The following EPHA3 variants were observed in gnomAD, a reference collection of about 807,000 sequenced individuals.
The protein encoded by EPHA3 is EPH receptor A3, also known as ephrin type-A receptor 3.
In EPHA3, 42 loss-of-function variants were observed where a neutral mutation model predicts 107.1. The ratio of observed to expected loss-of-function variants is 0.39; its 90% CI spans 0.31 to 0.51. The LOEUF (loss-of-function observed/expected upper bound fraction) is 0.51, where lower values mean the gene tolerates loss of function less well. EPHA3 is among the 20% of genes least tolerant of loss of function. EPHA3 has a pLI of 0.78. For synonymous variants in EPHA3, 461 were observed against 424.8 expected, an observed-to-expected ratio of 1.09 and a Z score of -1.05; for missense variants, 1,183 against 1,211.2, an observed-to-expected ratio of 0.98 and a Z score of 0.35.
chr3:89,218,699 AC>A (rs1704277606), intron 3 of EPHA3, among the ~76,000 whole-genome samples: 1 of 152,106 alleles, frequency 6.6e-6, no homozygotes, highest in African/African-American at 2.4e-5. Context: ...CTAGAAGAAG[AC>A]ATTTATGCAG....
intron 1 of EPHA3, among the ~76,000 whole-genome samples, chr3:89,121,496 C>T (rs1707383879): frequency 6.6e-6 from 1 of 151,968 alleles, no homozygotes. Context: ...CGGTGGCTCA[C>T]GCCTGTAATC....
intron 2 of EPHA3, among the ~76,000 whole-genome samples, chr3:89,147,269 A>T (rs1704581912): frequency 6.6e-6 from 1 of 151,732 alleles, no homozygotes; most frequent in Non-Finnish European, 1.5e-5. Flanking sequence ...GTTGATAGGT[A>T]CATCAAACTG....
chr3:89,295,747 C>A (rs555752439), intron 3 of EPHA3, among the ~76,000 whole-genome samples: 63 of 152,120 alleles, frequency 4.1e-4, no homozygotes, highest in African/African-American at 1.5e-3. Flanking sequence ...TGCACCACCA[C>A]ACCCGGCTAA....
At chr3:89,444,492 A>T (rs1196000012) in intron 13 of EPHA3, among the ~76,000 whole-genome samples, 12 of 152,046 alleles carry the variant, frequency 7.9e-5, no homozygotes, top group Non-Finnish European at 1.0e-4. Context: ...GATAATTTTT[A>T]AAAATTTCTT....
At chr3:89,322,691 G>A (rs553336170) in intron 3 of EPHA3, among the ~76,000 whole-genome samples, 1 of 152,150 alleles carries the variant, frequency 6.6e-6, no homozygotes, top group African/African-American at 2.4e-5. Flanking sequence ...AAGCAAAGCA[G>A]CTTTGAGCTA....
chr3:89,446,815 GTATACT>G (rs1477046816), intron 13 of EPHA3, among the ~76,000 whole-genome samples: 2 of 151,640 alleles, frequency 1.3e-5, no homozygotes, highest in Non-Finnish European at 2.9e-5. Context: ...AATACTGAAA[GTATACT>G]TATACGCTTT....
At chr3:89,456,670 G>A (rs1710103871) in intron 15 of EPHA3, among the ~76,000 whole-genome samples, 1 of 152,026 alleles carries the variant, frequency 6.6e-6, no homozygotes, top group South Asian at 2.1e-4. Flanking sequence ...TGGTCAGGGT[G>A]GGCCAGATCA....
chr3:89,154,540 T>G (rs1168587309), intron 2 of EPHA3, among the ~76,000 whole-genome samples: 1 of 151,844 alleles, frequency 6.6e-6, no homozygotes, highest in African/African-American at 2.4e-5. Context: ...TTTTAAGATT[T>G]ATTTATTTAA....
At chr3:89,394,190 C>T (rs1279740840) in intron 5 of EPHA3, among the ~76,000 whole-genome samples, 1 of 152,124 alleles carries the variant, frequency 6.6e-6, no homozygotes, top group African/African-American at 2.4e-5. Context: ...CGGGGAGAAT[C>T]ACTTGAGCCC....
intron 3 of EPHA3, among the ~76,000 whole-genome samples, chr3:89,280,480 G>T (rs1705915258): frequency 6.6e-6 from 1 of 152,120 alleles, no homozygotes; most frequent in South Asian, 2.1e-4. Flanking sequence ...CAGAGCACTT[G>T]GTTTGTGACA....
intron 3 of EPHA3, among the ~76,000 whole-genome samples, chr3:89,286,354 C>A (rs1369809980): frequency 6.6e-6 from 1 of 151,748 alleles, no homozygotes; most frequent in African/African-American, 2.4e-5. Flanking sequence ...AAATCAGAGC[C>A]GTTGTAGCCT....
chr3:89,142,268 C>A (rs1462869614), intron 2 of EPHA3, among the ~76,000 whole-genome samples: 2 of 151,234 alleles, frequency 1.3e-5, no homozygotes, highest in African/African-American at 4.8e-5. Flanking sequence ...ATGATAGATA[C>A]AACATTTGTA....
intron 2 of EPHA3, among the ~76,000 whole-genome samples, chr3:89,181,611 G>A (rs1433147148): frequency 6.6e-6 from 1 of 151,940 alleles, no homozygotes; most frequent in African/African-American, 2.4e-5. Flanking sequence ...TGGATTATTA[G>A]TGCCATATGC....
Position 89,450,202 on chromosome 3 carries a change from A to G in EPHA3, c.2522A>G (p.Tyr841Cys). The stretch of plus-strand genomic sequence containing the variant: ...GTAATTAAAGCTGTAGATGAGGGCT[A>G]TCGACTGCCACCCCCCATGGACTGC... ...QDVIKAVDEGYRLPPPMDCPA... is the reference protein window; with the variant it reads ...QDVIKAVDEGCRLPPPMDCPA... Residue 841 changes from tyrosine to cysteine, a missense_variant, in exon 15 of 17, where the codon TAT (tyrosine) becomes TGT (cysteine). Coordinates refer to ENST00000336596, the MANE Select transcript of EPHA3 (RefSeq NM_005233.6). The G allele has an allele frequency of 6.2e-7, 1 of 1,608,000 alleles. No individual in the cohort carries two copies. Among genetic ancestry groups the G allele is most frequent in the Non-Finnish European group, 8.5e-7 (1 of 1,177,204 alleles).
intron 3 of EPHA3, among the ~76,000 whole-genome samples, chr3:89,228,582 T>C (rs961213814): frequency 6.6e-6 from 1 of 151,976 alleles, no homozygotes; most frequent in Non-Finnish European, 1.5e-5. Flanking sequence ...CTATATGCAG[T>C]CACGATTTTA....
intron 3 of EPHA3, among the ~76,000 whole-genome samples, chr3:89,234,592 C>T (rs1407342072): frequency 6.6e-6 from 1 of 152,132 alleles, no homozygotes; most frequent in Non-Finnish European, 1.5e-5. Context: ...AGGTGAATTT[C>T]AGTAGTGTAC....
intron 5 of EPHA3, among the ~76,000 whole-genome samples, chr3:89,343,825 G>C (rs1707585533): frequency 6.6e-6 from 1 of 152,120 alleles, no homozygotes; most frequent in Non-Finnish European, 1.5e-5. Flanking sequence ...CCCACTTGGA[G>C]CTAGATCCCA....
intron 13 of EPHA3, 33 bp downstream of exon 13, chr3:89,431,392 T>G (rs1243904028): frequency 1.3e-6 from 2 of 1,568,070 alleles, no homozygotes; most frequent in African/African-American, 2.7e-5. Flanking sequence ...TTTTTTATCA[T>G]TGTTTTCCAT....
chr3:89,476,600 T>TATTTATTTATTTTTTC (rs1337130940), intron 16 of EPHA3, among the ~76,000 whole-genome samples: 1 of 142,638 alleles, frequency 7.0e-6, no homozygotes, highest in African/African-American at 2.6e-5. Context: ...TTTATTTATT[T>TATTTATTTATTTTTTC]ATTTATTTAT....
Sources: allele counts gnomAD v4.1 joint callset (sites outside exome capture counted in the v4.1 genomes callset), GRCh38; gene constraint gnomAD v4.1.1; transcripts MANE v1.5; gene names NCBI Gene and HGNC (gene_info 2026-07-23, HGNC 2026-07-21).